The following ROBO2 variants were observed in gnomAD, a reference collection of about 807,000 sequenced individuals.
ROBO2 encodes roundabout guidance receptor 2.
In ROBO2, 53 loss-of-function variants were observed where a neutral mutation model predicts 160.8. The observed-to-expected ratio is 0.33, with a 90% CI of 0.26 to 0.41. ROBO2 has a LOEUF of 0.41. Ranked by LOEUF, ROBO2 falls within the 10% of genes least tolerant of loss-of-function variation. ROBO2 has a pLI of 1.00. For synonymous variants in ROBO2, 664 were observed against 611.7 expected (o/e 1.09, Z -1.26); for missense variants, 1,577 against 1,722.4 (o/e 0.92, Z 1.49).
At chr3:77,451,768 C>T (rs1176911183) in intron 2 of ROBO2, among the ~76,000 whole-genome samples, 1 of 149,778 alleles carries the variant, frequency 6.7e-6, no homozygotes, top group Admixed American at 6.7e-5. Context: ...AAAGCAAATC[C>T]TTTTTTTTTA....
intron 2 of ROBO2, among the ~76,000 whole-genome samples, chr3:76,883,375 T>C (rs555824732): frequency 6.6e-6 from 1 of 152,266 alleles, no homozygotes; most frequent in East Asian, 1.9e-4. Context: ...GTTCAAATGT[T>C]GTGATTAATA....
At chr3:76,864,694 G>T (rs1172285978) in intron 2 of ROBO2, among the ~76,000 whole-genome samples, 1 of 152,008 alleles carries the variant, frequency 6.6e-6, no homozygotes, top group East Asian at 1.9e-4. Flanking sequence ...AGCAATTTGT[G>T]TTTAAATTTG....
At chr3:76,675,892 G>C (rs2092395252) in intron 2 of ROBO2, among the ~76,000 whole-genome samples, 1 of 152,090 alleles carries the variant, frequency 6.6e-6, no homozygotes, top group Non-Finnish European at 1.5e-5. Flanking sequence ...GGTTGAAAGA[G>C]TTATAAGACC....
At chr3:76,125,480 C>T (rs550874604) in intron 2 of ROBO2, among the ~76,000 whole-genome samples, 20 of 152,264 alleles carry the variant, frequency 1.3e-4, no homozygotes, top group Non-Finnish European at 2.4e-4. Flanking sequence ...ATAAGCATTC[C>T]CTTTTCTTGG....
At chr3:77,553,762 G>C (rs1351619843) in intron 8 of ROBO2, among the ~76,000 whole-genome samples, 4 of 151,968 alleles carry the variant, frequency 2.6e-5, no homozygotes. Context: ...AAGGCTGAGA[G>C]AGGTGAGGAA....
chr3:76,006,768 C>A (rs983782866), intron 2 of ROBO2, among the ~76,000 whole-genome samples: 2 of 152,016 alleles, frequency 1.3e-5, no homozygotes, highest in African/African-American at 4.8e-5. Flanking sequence ...ACAAAACTTG[C>A]TTTGATATTT....
intron 2 of ROBO2, among the ~76,000 whole-genome samples, chr3:76,224,159 C>T (rs542660405): frequency 6.6e-6 from 1 of 152,214 alleles, no homozygotes; most frequent in South Asian, 2.1e-4. Flanking sequence ...CTCAATAGCA[C>T]AGATTTTTGG....
intron 2 of ROBO2, among the ~76,000 whole-genome samples, chr3:76,325,402 T>C (rs2072928742): frequency 6.6e-6 from 1 of 152,210 alleles, no homozygotes; most frequent in Non-Finnish European, 1.5e-5. Flanking sequence ...AATAAGTTGA[T>C]AAAAGGAAGT....
At chr3:76,233,593 G>A (rs1266739818) in intron 2 of ROBO2, among the ~76,000 whole-genome samples, 2 of 152,104 alleles carry the variant, frequency 1.3e-5, no homozygotes, top group Non-Finnish European at 2.9e-5. Context: ...TACAACCTAC[G>A]CATCAGCTCC....
intron 1 of ROBO2, among the ~76,000 whole-genome samples, chr3:77,074,828 T>C (rs2067791014): frequency 6.6e-6 from 1 of 152,164 alleles, no homozygotes; most frequent in South Asian, 2.1e-4. Context: ...CAGAATGAGA[T>C]GACGGTGAGG....
intron 2 of ROBO2, among the ~76,000 whole-genome samples, chr3:77,410,647 T>TCCTTCTC (rs2076679614): frequency 5.2e-5 from 1 of 19,174 alleles, no homozygotes; most frequent in Admixed American, 5.0e-4. Context: ...TGCTCCTCTT[T>TCCTTCTC]CTCCTCCTCT....
rs201063990 is a variant in ROBO2, at chr3:76,825,603, C to CAAAAAAAAAAAA, written c.110-272393_110-272382dup. Among the ~76,000 whole-genome samples, 45 of 72,488 alleles carry CAAAAAAAAAAAA rather than the reference C, an allele frequency of 6.2e-4. 2 individuals carry two copies. The highest frequency in any genetic ancestry group is 1.5e-3 in the East Asian group (3 of 2,020). The allele number at this position is 72,488 out of a possible 152,430, so 47.6% of individuals were successfully genotyped here. On this transcript the variant is annotated intron_variant, in intron 2 of 26. Coordinates refer to the ROBO2 transcript ENST00000487694. ...GAGTCTACCCTTTCATCATCTTAGC[C>CAAAAAAAAAAAA]AAAAAAAAAAAAAAAAAAAAAAAAA...
At chr3:77,273,732 A>C (rs2059648751) in intron 2 of ROBO2, among the ~76,000 whole-genome samples, 1 of 152,174 alleles carries the variant, frequency 6.6e-6, no homozygotes, top group Non-Finnish European at 1.5e-5. Context: ...CTTTTTGAAG[A>C]GGTAAAACTG....
intron 22 of ROBO2, among the ~76,000 whole-genome samples, chr3:77,619,333 C>T (rs1319260682): frequency 2.0e-5 from 3 of 152,160 alleles, no homozygotes; most frequent in Non-Finnish European, 2.9e-5. Flanking sequence ...CAAGACCACC[C>T]TGAAGTTTCA....
chr3:77,344,155 A>G (rs1201773164), intron 2 of ROBO2, among the ~76,000 whole-genome samples: 2 of 152,274 alleles, frequency 1.3e-5, no homozygotes, highest in Non-Finnish European at 1.5e-5. Context: ...GGTCCTCCTG[A>G]GAAGATGGTG....
At chr3:76,445,453 A>G (rs1339622025) in intron 2 of ROBO2, among the ~76,000 whole-genome samples, 2 of 152,158 alleles carry the variant, frequency 1.3e-5, no homozygotes, top group East Asian at 3.9e-4. Flanking sequence ...AGACAGCTTC[A>G]AAATATTCTC....
At chr3:76,772,285 A>T (rs1005924313) in intron 2 of ROBO2, among the ~76,000 whole-genome samples, 2 of 151,110 alleles carry the variant, frequency 1.3e-5, no homozygotes. Flanking sequence ...AACTTTGCAG[A>T]AAAACAGAGT....
intron 2 of ROBO2, among the ~76,000 whole-genome samples, chr3:76,038,655 T>A (rs2067189377): frequency 6.6e-6 from 1 of 151,956 alleles, no homozygotes; most frequent in Admixed American, 6.5e-5. Flanking sequence ...TGCTTCTCTC[T>A]ACTTTCCTAG....
At chr3:76,779,238 G>A (rs2062475303) in intron 2 of ROBO2, among the ~76,000 whole-genome samples, 1 of 150,984 alleles carries the variant, frequency 6.6e-6, no homozygotes, top group African/African-American at 2.4e-5. Context: ...TAAGGAGTTT[G>A]AGGATAAGCA....
Sources: allele counts gnomAD v4.1 joint callset (sites outside exome capture counted in the v4.1 genomes callset), GRCh38; gene constraint gnomAD v4.1.1; transcripts MANE v1.5; gene names NCBI Gene and HGNC (gene_info 2026-07-23, HGNC 2026-07-21).